The following GCSH variants were observed in gnomAD, a reference collection of about 807,000 sequenced individuals.
GCSH encodes the protein glycine cleavage system H protein, mitochondrial.
A neutral mutation model predicts 21.3 loss-of-function variants in GCSH; 15 were observed. The observed-to-expected ratio is 0.70, with a 90% CI of 0.47 to 1.08. The LOEUF (loss-of-function observed/expected upper bound fraction) is 1.08. GCSH is among the 50% of genes least tolerant of loss of function. The pLI is 0.00. For missense variants in GCSH, 179 were observed against 217.5 expected, an observed-to-expected ratio of 0.82 and a Z score of 1.11; for synonymous variants, 59 against 84.5, an observed-to-expected ratio of 0.70 and a Z score of 1.66.
intron 1 of GCSH, among the ~76,000 whole-genome samples, chr16:81,092,008 G>A (rs1041421822): frequency 6.6e-6 from 1 of 152,122 alleles, no homozygotes; most frequent in African/African-American, 2.4e-5. Context: ...GTCAAAAAAT[G>A]TGTCACTAAG....
At chr16:81,093,080 C>T (rs933441916) in intron 1 of GCSH, among the ~76,000 whole-genome samples, 1 of 147,258 alleles carries the variant, frequency 6.8e-6, no homozygotes, top group African/African-American at 2.5e-5. Flanking sequence ...TCCAGTGAGC[C>T]GAGATTGCAC....
intron 4 of GCSH, 58 bp downstream of exon 4, chr16:81,084,405 C>G: frequency 4.6e-6 from 6 of 1,314,246 alleles, no homozygotes; most frequent in South Asian, 1.2e-5. Context: ...GCTTTAAATT[C>G]TAGATAAAAT....
chr16:81,083,496 G>A (rs8177942), intron 4 of GCSH: 11,985 of 160,828 alleles, frequency 0.075, 507 homozygotes, highest in East Asian at 0.19. Flanking sequence ...CAGCCTGGGC[G>A]ACAGAGGGAG....
rs891277077 is a variant in GCSH, at chr16:81,087,455, G to A, written c.292+146C>T. 11 of 688,756 alleles carry A rather than the reference G, an allele frequency of 1.6e-5. No individual in the cohort carries two copies. The African/African-American group carries it at 1.8e-4, about 11-fold the overall frequency. 42.7% of individuals were successfully genotyped at this position (688,756 alleles called of 1,614,324 possible). On this transcript the variant is annotated intron_variant, in intron 3 of 4. Transcript: ENST00000315467. The stretch of plus-strand genomic sequence containing the variant: ...AGAGGTTACAGTGGGCCGAGATGGT[G>A]CCACTGCACTCCAGCCTGGGTGACA...
At chr16:81,088,440 C>T (rs1258323260) in intron 2 of GCSH, among the ~76,000 whole-genome samples, 1 of 152,006 alleles carries the variant, frequency 6.6e-6, no homozygotes, top group Non-Finnish European at 1.5e-5. Context: ...CTCTTGTTGC[C>T]CAGGCTGGAG....
chr16:81,091,560 C>T (rs913036424), intron 1 of GCSH, among the ~76,000 whole-genome samples: 2 of 152,138 alleles, frequency 1.3e-5, no homozygotes, highest in Admixed American at 1.3e-4. Flanking sequence ...TTTTAAAAAG[C>T]ATATGCTATA....
chr16:81,082,293 A>G lies in GCSH; in HGVS notation c.*573T>C, dbSNP rs1210893706. 1 of 445,110 alleles carries G rather than the reference A, an allele frequency of 2.2e-6. No individual in the cohort carries two copies. Among genetic ancestry groups the G allele is most frequent in the South Asian group, 1.6e-5 (1 of 62,688 alleles). 27.6% of individuals were successfully genotyped at this position (445,110 alleles called of 1,614,324 possible). A position where few individuals can be genotyped will look rare whatever the true frequency, so the allele number is the denominator to read the frequency against. ...TTTCACAAATACTAGCAGAGTTACT[A>G]AATGAAATATTAACATCAAAACAAA... is the stretch of plus-strand genomic sequence containing the variant. On this transcript the variant is annotated 3_prime_UTR_variant, in exon 5 of 5. Transcript: ENST00000315467.
chr16:81,089,551 A>G (rs7185637), intron 2 of GCSH, among the ~76,000 whole-genome samples: 121,756 of 151,658 alleles, frequency 0.8, 50,402 homozygotes, highest in Non-Finnish European at 0.92. Flanking sequence ...AGGCTGTACC[A>G]TCTAGGTGTG....
intron 1 of GCSH, among the ~76,000 whole-genome samples, chr16:81,094,612 C>A (rs923031055): frequency 6.6e-6 from 1 of 152,146 alleles, no homozygotes; most frequent in African/African-American, 2.4e-5. Context: ...GGATCCCTAT[C>A]AGAAACAGAG....
At chr16:81,093,933 A>G (rs903524145) in intron 1 of GCSH, among the ~76,000 whole-genome samples, 3 of 151,930 alleles carry the variant, frequency 2.0e-5, no homozygotes, top group Non-Finnish European at 4.4e-5. Context: ...ACAGAGTCTC[A>G]CTCTGTCGCC....
chr16:81,095,768 G>A (rs1343413393), intron 1 of GCSH, among the ~76,000 whole-genome samples: 1 of 152,152 alleles, frequency 6.6e-6, no homozygotes, highest in Non-Finnish European at 1.5e-5. Flanking sequence ...GATGCACGCA[G>A]ATGGGAGATA....
rs2151765741 is a variant in GCSH at position 81,082,867 on chromosome 16, C to T, written c.521G>A (p.Ter174=). The T allele has an allele frequency of 4.1e-6, 5 of 1,218,866 alleles. No homozygotes were observed. The highest frequency in any genetic ancestry group is 6.1e-6 in the Non-Finnish European group (5 of 820,668). The allele number at this position is 1,218,866 out of a possible 1,614,324, so 75.5% of individuals were successfully genotyped here. A position where few individuals can be genotyped will look rare whatever the true frequency, so the allele number is the denominator to read the frequency against. The change falls in exon 5 of 5, where the codon TGA becomes TAA. Residue 174 remains the stop codon, a stop_retained_variant. Transcript: ENST00000315467. ...YEKYIKSIEE[*] is the part of the protein sequence containing the mutation. ...CTAGTTTATTTAGGAGTTCCATTTTCACTCCTCAATAGATTTTATGTATTT... is the reference window on the plus strand; with the variant it reads ...CTAGTTTATTTAGGAGTTCCATTTTTACTCCTCAATAGATTTTATGTATTT...
chr16:81,096,095 G>C, intron 1 of GCSH, 36 bp downstream of exon 1: 1 of 1,238,972 alleles, frequency 8.1e-7, no homozygotes, highest in Non-Finnish European at 1.0e-6. Context: ...GCCCAGGCGG[G>C]GAGGGAGCAG....
At chr16:81,096,001 G>T in intron 1 of GCSH, 130 bp downstream of exon 1, 1 of 734,938 alleles carries the variant, frequency 1.4e-6, no homozygotes, top group Non-Finnish European at 1.9e-6. Flanking sequence ...ATAAGAAGGG[G>T]GCAGGGTCCG....
At position 81,087,670 on chromosome 16, in the gene GCSH, TAAAAC is replaced by T; in HGVS notation, c.229-11_229-7del. On this transcript the variant is annotated splice_polypyrimidine_tract_variant and splice_region_variant and intron_variant, in intron 2 of 4. Coordinates refer to ENST00000315467, the MANE Select transcript of GCSH (RefSeq NM_004483.5). ...ACAACATCTCCCAACGCTTCCTAAA[TAAAAC>T]AAGACAAAACCAAAAATCTCTAAGA... 6.2e-7 allele frequency: 1 copy of T among 1,609,610 alleles called. No individual in the cohort carries two copies. The highest frequency in any genetic ancestry group is 8.5e-7 in the Non-Finnish European group (1 of 1,176,452).
At chr16:81,084,671 G>T in intron 3 of GCSH, 77 bp from the exon 4 acceptor site, 1 of 1,044,562 alleles carries the variant, frequency 9.6e-7, no homozygotes, top group Non-Finnish European at 1.4e-6. Context: ...CGAAAAAGTA[G>T]ATTCCTGTCA....
At chr16:81,086,513 C>T (rs1021344260) in intron 3 of GCSH, among the ~76,000 whole-genome samples, 4 of 151,988 alleles carry the variant, frequency 2.6e-5, no homozygotes, top group Non-Finnish European at 5.9e-5. Flanking sequence ...GCCAATGTCG[C>T]ACCATCGCAT....
chr16:81,094,059 C>A (rs997428789), intron 1 of GCSH, among the ~76,000 whole-genome samples: 1 of 151,900 alleles, frequency 6.6e-6, no homozygotes, highest in East Asian at 2.0e-4. Flanking sequence ...CCACCACGCC[C>A]GACTAATTTT....
chr16:81,084,320 T>C lies in GCSH; in HGVS notation c.424+143A>G, dbSNP rs1972228100. 4.0e-6 allele frequency: 3 copies of C among 741,210 alleles called. No homozygotes were observed. In the Admixed American group the frequency reaches 6.8e-5, roughly 17 times the overall value. 45.9% of individuals were successfully genotyped at this position (741,210 alleles called of 1,614,324 possible). On this transcript the variant is annotated intron_variant, in intron 4 of 4. Transcript: ENST00000315467. ...ACTTTAAGTATTCAACTAACCTCTG[T>C]TTTTCTTTTAAAGCAGAACATCTCT... is the stretch of plus-strand genomic sequence containing the variant.
Sources: allele counts gnomAD v4.1 joint callset (sites outside exome capture counted in the v4.1 genomes callset), GRCh38; gene constraint gnomAD v4.1.1; transcripts MANE v1.5; gene names NCBI Gene and HGNC (gene_info 2026-07-23, HGNC 2026-07-21).